WWOX: variants seen among roughly 807,000 people sequenced by gnomAD.
The protein encoded by WWOX is WW domain containing oxidoreductase.
A neutral mutation model predicts 46.2 loss-of-function variants in WWOX; 69 were observed. The observed-to-expected ratio is 1.49, with a 90% CI of 1.23 to 1.82. WWOX has a LOEUF of 1.82. Ranked by LOEUF, WWOX falls within the 40% of genes most tolerant of loss-of-function variation. The pLI, the probability that WWOX is intolerant of heterozygous loss-of-function variation, is 0.00. For synonymous variants in WWOX, 359 were observed against 202.6 expected (o/e 1.77, Z -6.56); for missense variants, 919 against 542.6 (o/e 1.69, Z -6.89).
At chr16:79,058,836 G>A (rs1229707232) in intron 8 of WWOX, among the ~76,000 whole-genome samples, 1 of 152,180 alleles carries the variant, frequency 6.6e-6, no homozygotes, top group Non-Finnish European at 1.5e-5. Flanking sequence ...TGAAGATTGT[G>A]TATTTTTATT....
chr16:79,096,016 A>AT lies in WWOX; in HGVS notation c.1057-115570dup, dbSNP rs57621801. 9.6e-3 allele frequency among the ~76,000 whole-genome samples: 790 copies of AT among 81,944 alleles called. 7 individuals carry two copies. Among genetic ancestry groups the AT allele is most frequent in the African/African-American group, 0.022 (402 of 18,262 alleles). The allele number at this position is 81,944 out of a possible 152,430, so 53.8% of individuals were successfully genotyped here. A position where few individuals can be genotyped will look rare whatever the true frequency, so the allele number is the denominator to read the frequency against. ...AGGCATGCGCTGCCACACCCGGATA[A>AT]TTTTTTTTTTTTTTTTTTTTTTGGT... On this transcript the variant is annotated intron_variant, in intron 8 of 8. Transcript: ENST00000566780.
chr16:78,929,791 G>C (rs1241801618), intron 8 of WWOX, among the ~76,000 whole-genome samples: 1 of 152,194 alleles, frequency 6.6e-6, no homozygotes, highest in Non-Finnish European at 1.5e-5. Flanking sequence ...AATCTGACCT[G>C]GGGCAATGCC....
At chr16:78,767,221 A>C (rs1402675721) in intron 8 of WWOX, among the ~76,000 whole-genome samples, 2 of 151,958 alleles carry the variant, frequency 1.3e-5, no homozygotes, top group Non-Finnish European at 2.9e-5. Context: ...CCTGGGCTTC[A>C]GTGATCCTCC....
chr16:78,615,704 T>C (rs1429704545), intron 8 of WWOX, among the ~76,000 whole-genome samples: 1 of 142,700 alleles, frequency 7.0e-6, no homozygotes. Flanking sequence ...ACAGTAGTGG[T>C]TGAAAGAAAG....
At chr16:78,663,876 A>C (rs1365844140) in intron 8 of WWOX, among the ~76,000 whole-genome samples, 1 of 152,206 alleles carries the variant, frequency 6.6e-6, no homozygotes, top group Admixed American at 6.5e-5. Context: ...GATGTGTTCA[A>C]GGGAGAGTAA....
chr16:78,872,773 C>T (rs920039720), intron 8 of WWOX: 2 of 152,350 alleles, frequency 1.3e-5, no homozygotes, highest in Non-Finnish European at 2.9e-5. Context: ...ACACTTACTT[C>T]ACATGCAGAG....
intron 8 of WWOX, among the ~76,000 whole-genome samples, chr16:78,781,082 C>T (rs866683264): frequency 1.3e-5 from 2 of 152,096 alleles, no homozygotes; most frequent in Non-Finnish European, 2.9e-5. Context: ...CTCCTAATTA[C>T]CAGGTAGCTT....
At chr16:79,037,785 C>A (rs950782601) in intron 8 of WWOX, among the ~76,000 whole-genome samples, 2 of 152,068 alleles carry the variant, frequency 1.3e-5, no homozygotes, top group Non-Finnish European at 2.9e-5. Flanking sequence ...ACAAGGTCAT[C>A]TAGACATTTT....
At chr16:78,616,828 A>G (rs2548838) in intron 8 of WWOX, among the ~76,000 whole-genome samples, 1 of 151,920 alleles carries the variant, frequency 6.6e-6, no homozygotes, top group Non-Finnish European at 1.5e-5. Flanking sequence ...CCTTCACTCT[A>G]ATGACATAAT....
chr16:78,747,726 A>G (rs8044184), intron 8 of WWOX, among the ~76,000 whole-genome samples: 5,873 of 152,254 alleles, frequency 0.039, 331 homozygotes, highest in Admixed American at 0.14. Flanking sequence ...TCTTCCCTAG[A>G]GCGTCAGCCC....
chr16:79,207,670 A>C (rs2051563824), intron 8 of WWOX, among the ~76,000 whole-genome samples: 1 of 152,238 alleles, frequency 6.6e-6, no homozygotes, highest in Admixed American at 6.5e-5. Flanking sequence ...TCTTTCTTTT[A>C]AATGAGCATG....
At chr16:78,646,129 C>T (rs73565241) in intron 8 of WWOX, among the ~76,000 whole-genome samples, 10 of 152,324 alleles carry the variant, frequency 6.6e-5, no homozygotes, top group African/African-American at 1.9e-4. Context: ...TCCCATCTGC[C>T]ATGCCAAATA....
At chr16:78,268,183 C>G (rs1291093163) in intron 5 of WWOX, among the ~76,000 whole-genome samples, 2 of 152,144 alleles carry the variant, frequency 1.3e-5, no homozygotes, top group Non-Finnish European at 2.9e-5. Flanking sequence ...GGAAGTACTT[C>G]ACAAAGGCTC....
chr16:78,127,618 C>T (rs1005626614), intron 4 of WWOX, among the ~76,000 whole-genome samples: 2 of 150,798 alleles, frequency 1.3e-5, no homozygotes, highest in African/African-American at 4.9e-5. Flanking sequence ...AACTATTATT[C>T]TTTAAAACCG....
intron 8 of WWOX, among the ~76,000 whole-genome samples, chr16:78,433,000 T>G (rs1438884202): frequency 6.7e-6 from 1 of 149,314 alleles, no homozygotes; most frequent in African/African-American, 2.5e-5. Context: ...CTGAAAGTCC[T>G]TATGGAAATG....
intron 8 of WWOX, among the ~76,000 whole-genome samples, chr16:78,933,283 AC>A (rs2045663731): frequency 6.6e-6 from 1 of 152,218 alleles, no homozygotes; most frequent in African/African-American, 2.4e-5. Flanking sequence ...TACTAAAAAT[AC>A]AAAAATTAGC....
At chr16:78,985,045 C>T (rs2046757675) in intron 8 of WWOX, among the ~76,000 whole-genome samples, 1 of 152,172 alleles carries the variant, frequency 6.6e-6, no homozygotes, top group African/African-American at 2.4e-5. Flanking sequence ...TTGCCCCCTC[C>T]ACCCCGCTCT....
intron 8 of WWOX, among the ~76,000 whole-genome samples, chr16:78,696,962 G>T (rs2048113265): frequency 6.6e-6 from 1 of 151,962 alleles, no homozygotes; most frequent in African/African-American, 2.4e-5. Flanking sequence ...ATGGTCTCCA[G>T]TCCCATCCAG....
At chr16:79,003,192 G>A (rs2047127354) in intron 8 of WWOX, among the ~76,000 whole-genome samples, 1 of 152,168 alleles carries the variant, frequency 6.6e-6, no homozygotes, top group African/African-American at 2.4e-5. Context: ...AAAACTAAGT[G>A]CTTAGTGAGA....
Sources: allele counts gnomAD v4.1 joint callset (sites outside exome capture counted in the v4.1 genomes callset), GRCh38; gene constraint gnomAD v4.1.1; transcripts MANE v1.5; gene names NCBI Gene and HGNC (gene_info 2026-07-23, HGNC 2026-07-21).